The following OPRM1 variants were observed in gnomAD, a reference collection of about 807,000 sequenced individuals.
The protein encoded by OPRM1 is opioid receptor mu 1, also known as mu-type opioid receptor.
A neutral mutation model predicts 31.8 loss-of-function variants in OPRM1; 27 were observed. That is an observed-to-expected ratio of 0.85 (90% CI 0.63 to 1.17). The LOEUF (loss-of-function observed/expected upper bound fraction) is 1.17, where lower values mean the gene tolerates loss of function less well. OPRM1 is among the 50% of genes most tolerant of loss of function. The pLI, the probability that OPRM1 is intolerant of heterozygous loss-of-function variation, is 0.00. For synonymous variants in OPRM1, 196 were observed against 189.9 expected (o/e 1.03, Z -0.26); for missense variants, 536 against 511.1 (o/e 1.05, Z -0.47).
upstream of OPRM1, among the ~76,000 whole-genome samples, chr6:154,037,143 T>C (rs144701008): frequency 6.6e-5 from 10 of 152,136 alleles, no homozygotes; most frequent in East Asian, 7.7e-4. Context: ...TATAAATTTA[T>C]AGGAGATGAA....
chr6:154,040,114 G>A (rs1223268293), intron 1 of OPRM1, among the ~76,000 whole-genome samples: 1 of 152,152 alleles, frequency 6.6e-6, no homozygotes, highest in Non-Finnish European at 1.5e-5. Flanking sequence ...GCGGAGGGAA[G>A]CTATAGCATA....
At chr6:154,222,548 G>A (rs1226941010) in intron 3 of OPRM1, among the ~76,000 whole-genome samples, 1 of 152,186 alleles carries the variant, frequency 6.6e-6, no homozygotes, top group Non-Finnish European at 1.5e-5. Context: ...TTGAATGAGA[G>A]TCTATAGATA....
At chr6:154,176,435 G>C (rs1190843713) in intron 3 of OPRM1, among the ~76,000 whole-genome samples, 1 of 152,030 alleles carries the variant, frequency 6.6e-6, no homozygotes, top group Admixed American at 6.6e-5. Flanking sequence ...CATCATCTCA[G>C]CCCAAAATCT....
At chr6:154,159,591 C>CA (rs1798851650) in intron 3 of OPRM1, 1 of 520,974 alleles carries the variant, frequency 1.9e-6, no homozygotes, top group East Asian at 3.5e-5. Context: ...AGTAGGAACA[C>CA]AAAAAACGCC....
At chr6:154,206,748 G>A (rs1365005183) in intron 3 of OPRM1, among the ~76,000 whole-genome samples, 1 of 152,178 alleles carries the variant, frequency 6.6e-6, no homozygotes, top group African/African-American at 2.4e-5. Context: ...CTTAGAAGGT[G>A]GGATTGGGGT....
chr6:154,056,677 G>C (rs1035828068), intron 1 of OPRM1, among the ~76,000 whole-genome samples: 4 of 150,922 alleles, frequency 2.7e-5, no homozygotes, highest in Non-Finnish European at 4.4e-5. Flanking sequence ...GGAAGGGAAG[G>C]CCTCTTTGTT....
At chr6:154,082,698 T>C (rs1290497891) in intron 1 of OPRM1, among the ~76,000 whole-genome samples, 1 of 152,194 alleles carries the variant, frequency 6.6e-6, no homozygotes. Flanking sequence ...AAGTTATAAG[T>C]TTGAAAGCTA....
intron 3 of OPRM1, among the ~76,000 whole-genome samples, chr6:154,181,981 C>T (rs1456802697): frequency 2.0e-5 from 3 of 151,966 alleles, no homozygotes; most frequent in Non-Finnish European, 4.4e-5. Flanking sequence ...AAAGGTGAGG[C>T]GATTTTAAAA....
intron 3 of OPRM1, among the ~76,000 whole-genome samples, chr6:154,233,656 G>T (rs1779893782): frequency 6.6e-6 from 1 of 152,166 alleles, no homozygotes; most frequent in African/African-American, 2.4e-5. Flanking sequence ...TGGTTCTGAG[G>T]ATACTGAGGC....
At chr6:154,025,092 G>T (rs1726715095) in intron 1 of OPRM1, among the ~76,000 whole-genome samples, 1 of 152,034 alleles carries the variant, frequency 6.6e-6, no homozygotes, top group Admixed American at 6.5e-5. Context: ...CTGTCTGGAA[G>T]ATCTGTTTAA....
At chr6:154,013,076 A>T (rs1015702457) in intron 1 of OPRM1, among the ~76,000 whole-genome samples, 1 of 152,172 alleles carries the variant, frequency 6.6e-6, no homozygotes, top group African/African-American at 2.4e-5. Flanking sequence ...TTGTTTCATA[A>T]TATTTATTGC....
intron 3 of OPRM1, among the ~76,000 whole-genome samples, chr6:154,235,993 T>C (rs567593618): frequency 2.0e-5 from 3 of 152,230 alleles, no homozygotes; most frequent in East Asian, 3.8e-4. Flanking sequence ...CAAAATAGCA[T>C]GGTAGCGCCT....
At chr6:154,065,469 A>G (rs1409796355) in intron 1 of OPRM1, among the ~76,000 whole-genome samples, 4 of 152,156 alleles carry the variant, frequency 2.6e-5, no homozygotes, top group Admixed American at 2.0e-4. Context: ...TAGATTTTGT[A>G]CACATCTTTC....
upstream of OPRM1, among the ~76,000 whole-genome samples, chr6:154,038,929 A>G (rs1779491316): frequency 6.6e-6 from 1 of 152,218 alleles, no homozygotes; most frequent in Admixed American, 6.5e-5. Context: ...ACTGCAAAAG[A>G]AAATTGTGTG....
chr6:154,158,876 G>A (rs1042003473), intron 3 of OPRM1: 5 of 152,082 alleles, frequency 3.3e-5, no homozygotes, highest in African/African-American at 1.2e-4. Context: ...AATCCCTCAT[G>A]TTTAACTCTT....
At chr6:154,109,485 A>G (rs1796077284) in intron 3 of OPRM1, among the ~76,000 whole-genome samples, 1 of 152,232 alleles carries the variant, frequency 6.6e-6, no homozygotes, top group Non-Finnish European at 1.5e-5. Flanking sequence ...TAATATTCAA[A>G]CATCAGCATT....
chr6:154,065,933 G>A (rs1049619046), intron 1 of OPRM1, among the ~76,000 whole-genome samples: 10 of 151,834 alleles, frequency 6.6e-5, no homozygotes, highest in Admixed American at 5.9e-4. Flanking sequence ...AATATGTTAT[G>A]GTTGATTCTT....
At chr6:154,110,340 GAAAT>G in intron 3 of OPRM1, 2 of 1,319,502 alleles carry the variant, frequency 1.5e-6, no homozygotes, top group Non-Finnish European at 2.1e-6. Context: ...GTTTTTGAAT[GAAAT>G]ATCTTTGCAG....
chr6:154,179,079 G>T (rs1800608746), intron 3 of OPRM1, among the ~76,000 whole-genome samples: 1 of 152,128 alleles, frequency 6.6e-6, no homozygotes, highest in South Asian at 2.1e-4. Context: ...TTTTATTGTT[G>T]CTAATGGCTG....
Sources: allele counts gnomAD v4.1 joint callset (sites outside exome capture counted in the v4.1 genomes callset), GRCh38; gene constraint gnomAD v4.1.1; transcripts MANE v1.5; gene names NCBI Gene and HGNC (gene_info 2026-07-23, HGNC 2026-07-21).